ZRANB3: variants seen among roughly 807,000 people sequenced by gnomAD.
ZRANB3 encodes DNA annealing helicase and endonuclease ZRANB3.
In ZRANB3, 125 loss-of-function variants were observed where a neutral mutation model predicts 133.8. The observed-to-expected ratio is 0.93, with a 90% CI of 0.81 to 1.08. ZRANB3 has a LOEUF of 1.08. Among genes scored for constraint, ZRANB3 ranks in the 50% least tolerant of loss-of-function variants. The pLI is 0.00. For synonymous variants in ZRANB3, 387 were observed against 432.7 expected (o/e 0.89, Z 1.31); for missense variants, 1,229 against 1,275.5 (o/e 0.96, Z 0.56).
intron 1 of ZRANB3, among the ~76,000 whole-genome samples, chr2:135,526,086 C>G (rs1158866641): frequency 6.6e-6 from 1 of 150,528 alleles, no homozygotes; most frequent in Non-Finnish European, 1.5e-5. Context: ...AATTTCACAT[C>G]TGCAAGATGA....
At chr2:135,399,387 C>A (rs1343752901) in intron 2 of ZRANB3, among the ~76,000 whole-genome samples, 1 of 152,054 alleles carries the variant, frequency 6.6e-6, no homozygotes, top group Non-Finnish European at 1.5e-5. Flanking sequence ...ATGCCATCGA[C>A]AAAAATTCAC....
intron 12 of ZRANB3, among the ~76,000 whole-genome samples, chr2:135,234,100 T>C (rs989565433): frequency 6.6e-6 from 1 of 151,982 alleles, no homozygotes; most frequent in Non-Finnish European, 1.5e-5. Context: ...TGGAGGAAGA[T>C]CTACCAAGCA....
chr2:135,244,273 C>T (rs761918584), intron 12 of ZRANB3, among the ~76,000 whole-genome samples: 1 of 152,024 alleles, frequency 6.6e-6, no homozygotes, highest in South Asian at 2.1e-4. Context: ...ACAGATCAAA[C>T]CACCCTGGAC....
At chr2:135,332,061 A>G (rs2104848440) in intron 6 of ZRANB3, among the ~76,000 whole-genome samples, 1 of 152,278 alleles carries the variant, frequency 6.6e-6, no homozygotes, top group South Asian at 2.1e-4. Flanking sequence ...CATTCATTAC[A>G]TGTAAGATAG....
chr2:135,288,328 G>T (rs1201625178), intron 8 of ZRANB3, among the ~76,000 whole-genome samples: 1 of 152,000 alleles, frequency 6.6e-6, no homozygotes, highest in Non-Finnish European at 1.5e-5. Flanking sequence ...TGTTGGATTT[G>T]GTTAGCTAGT....
At chr2:135,361,053 T>TACAAGA (rs1685672837) in intron 3 of ZRANB3, among the ~76,000 whole-genome samples, 1 of 152,196 alleles carries the variant, frequency 6.6e-6, no homozygotes, top group South Asian at 2.1e-4. Flanking sequence ...GTGCTGAGAT[T>TACAAGA]ACAGGCGTGA....
In ZRANB3 at chr2:135,275,728, T is replaced by A; in HGVS notation, c.994A>T (p.Met332Leu). Residue 332 changes from methionine to leucine, a missense_variant, in exon 9 of 21, where the codon ATG (methionine) becomes TTG (leucine). Physicochemically the swap from Met to Leu is conservative, Grantham distance 15. Coordinates refer to ENST00000264159, the MANE Select transcript of ZRANB3 (RefSeq NM_032143.4). ...KAGAVKDYIK[M>L]MLQNDSLKFL... ...TTAAGCGAATCATTCTGAAGCATCA[T>A]CTTAATATAATCCTTTACAGCACCT... The A allele has an allele frequency of 1.3e-6, 2 of 1,597,108 alleles. No individual in the cohort carries two copies. Among genetic ancestry groups the A allele is most frequent in the Non-Finnish European group, 1.7e-6 (2 of 1,170,456 alleles).
intron 1 of ZRANB3, among the ~76,000 whole-genome samples, chr2:135,525,629 C>T (rs1448503886): frequency 6.6e-6 from 1 of 152,154 alleles, no homozygotes; most frequent in African/African-American, 2.4e-5. Context: ...GGGCGGATCA[C>T]CTGAGGTCAG....
In ZRANB3 at chr2:135,472,497, CA is replaced by C. The variant is rs35241215; in HGVS notation, c.161+31831del. Among the ~76,000 whole-genome samples, 353 of 62,008 alleles carry C rather than the reference CA, an allele frequency of 5.7e-3. 1 individual carries two copies. Among genetic ancestry groups the C allele is most frequent in the Admixed American group, 0.036 (226 of 6,234 alleles). The allele number at this position is 62,008 out of a possible 152,430, so 40.7% of individuals were successfully genotyped here. A position where few individuals can be genotyped will look rare whatever the true frequency, so the allele number is the denominator to read the frequency against. On this transcript the variant is annotated intron_variant, in intron 2 of 20. Coordinates refer to ENST00000264159, the MANE Select transcript of ZRANB3 (RefSeq NM_032143.4). ...CCTGGGTGACAGCGAGACTCGGTCT[CA>C]AAAAAAAAAAAAAAAAAAAAAACTC...
chr2:135,232,078 G>A (rs762975479), intron 12 of ZRANB3, among the ~76,000 whole-genome samples: 7 of 152,256 alleles, frequency 4.6e-5, no homozygotes, highest in South Asian at 2.1e-4. Flanking sequence ...CTGGAAAATC[G>A]GGTCACTCCC....
chr2:135,213,369 C>T (rs1694180679), intron 17 of ZRANB3, among the ~76,000 whole-genome samples: 1 of 152,160 alleles, frequency 6.6e-6, no homozygotes, highest in Admixed American at 6.5e-5. Flanking sequence ...ATACAGACTG[C>T]CAGTCAATGC....
intron 2 of ZRANB3, among the ~76,000 whole-genome samples, chr2:135,407,114 T>C (rs562529989): frequency 6.6e-6 from 1 of 152,312 alleles, no homozygotes; most frequent in South Asian, 2.1e-4. Context: ...GATAGGCAAC[T>C]TCAGCAAAGT....
At chr2:135,447,617 T>C (rs2105001022) in intron 2 of ZRANB3, among the ~76,000 whole-genome samples, 1 of 152,312 alleles carries the variant, frequency 6.6e-6, no homozygotes, top group African/African-American at 2.4e-5. Flanking sequence ...GGACTTATAA[T>C]TCTAGGTAAT....
intron 1 of ZRANB3, among the ~76,000 whole-genome samples, chr2:135,526,156 GAT>G (rs1491450543): frequency 7.1e-6 from 1 of 141,516 alleles, no homozygotes; most frequent in African/African-American, 2.7e-5. Flanking sequence ...ACTAAGCTAT[GAT>G]TTTTTTTTTT....
At chr2:135,363,014 CA>C (rs2104889313) in intron 3 of ZRANB3, among the ~76,000 whole-genome samples, 1 of 151,888 alleles carries the variant, frequency 6.6e-6, no homozygotes, top group African/African-American at 2.4e-5. Flanking sequence ...AAATGACTTT[CA>C]AGTAAAAAGA....
intron 8 of ZRANB3, among the ~76,000 whole-genome samples, chr2:135,301,217 C>T (rs1411855818): frequency 9.3e-5 from 14 of 150,162 alleles, no homozygotes; most frequent in Non-Finnish European, 1.3e-4. Flanking sequence ...CAGAGTTTCA[C>T]TCTTGTTGCC....
At position 135,390,837 on chromosome 2, in the gene ZRANB3, A is replaced by T. The variant is rs555488233; in HGVS notation, c.162-17T>A. The T allele has an allele frequency of 9.2e-6, 14 of 1,519,410 alleles. No individual in the cohort carries two copies. The highest frequency in any genetic ancestry group is 5.7e-5 in the African/African-American group (4 of 70,266). The allele number at this position is 1,519,410 out of a possible 1,614,324, so 94.1% of individuals were successfully genotyped here. ...ACCATACACCTGGAAAAAAAAAAAA[A>T]AAAAAATTAATTATCAGAGTGAACC... is the stretch of plus-strand genomic sequence containing the variant. On this transcript the variant is annotated splice_polypyrimidine_tract_variant and intron_variant, in intron 2 of 20. Transcript: ENST00000264159.
At chr2:135,308,707 T>A (rs1573881476) in intron 8 of ZRANB3, among the ~76,000 whole-genome samples, 2 of 152,278 alleles carry the variant, frequency 1.3e-5, no homozygotes, top group Admixed American at 6.5e-5. Flanking sequence ...CTGAAGGGAC[T>A]CTCCTACCTC....
At chr2:135,432,032 C>A (rs576587903) in intron 2 of ZRANB3, among the ~76,000 whole-genome samples, 1 of 152,198 alleles carries the variant, frequency 6.6e-6, no homozygotes, top group African/African-American at 2.4e-5. Context: ...GGGTGGATCA[C>A]CTGAGGCTGG....
Sources: gnomAD v4.1 joint callset for allele counts (sites outside exome capture counted in the v4.1 genomes callset) on GRCh38, gnomAD v4.1.1 for gene constraint, MANE v1.5 for transcripts, NCBI Gene and HGNC (gene_info 2026-07-23, HGNC 2026-07-21) for gene names.